Variants in ASPRV1 observed in about 807,000 individuals in gnomAD.
ASPRV1 encodes aspartic peptidase retroviral like 1, also known as retroviral-like aspartic protease 1.
In ASPRV1, 7 loss-of-function variants were observed where a neutral mutation model predicts 11.0. The observed-to-expected ratio is 0.64, with a 90% CI of 0.36 to 1.20. ASPRV1 has a LOEUF of 1.20. Among genes scored for constraint, ASPRV1 ranks in the 50% most tolerant of loss-of-function variants. ASPRV1 has a pLI of 0.02. For missense variants in ASPRV1, 299 were observed against 320.0 expected, an observed-to-expected ratio of 0.93 and a Z score of 0.50; for synonymous variants, 136 against 138.4, an observed-to-expected ratio of 0.98 and a Z score of 0.12.
the ASPRV1 span, among the ~76,000 whole-genome samples, chr2:70,038,266 G>C: frequency 1.3e-5 from 2 of 152,190 alleles, no homozygotes; most frequent in East Asian, 1.9e-4. Flanking sequence ...ATGCATGAAG[G>C]CTGGGCAGAG....
the ASPRV1 span, chr2:69,993,899 C>G: frequency 6.6e-6 from 1 of 152,214 alleles, no homozygotes; most frequent in African/African-American, 2.4e-5. Flanking sequence ...TTTTGCAGAG[C>G]GTTGGGAAAT....
At chr2:70,060,977 C>T in the ASPRV1 span, among the ~76,000 whole-genome samples, 52 of 152,294 alleles carry the variant, frequency 3.4e-4, no homozygotes, top group African/African-American at 1.2e-3. Flanking sequence ...GAGCTTAAAA[C>T]CCACCAGGAG....
At chr2:70,055,376 C>A in the ASPRV1 span, among the ~76,000 whole-genome samples, 1 of 152,080 alleles carries the variant, frequency 6.6e-6, no homozygotes, top group Non-Finnish European at 1.5e-5. Flanking sequence ...AGACATGGAA[C>A]CAACCCAAAT....
chr2:70,039,586 G>A, the ASPRV1 span, among the ~76,000 whole-genome samples: 1 of 152,208 alleles, frequency 6.6e-6, no homozygotes, highest in African/African-American at 2.4e-5. Flanking sequence ...ACAGCCAGCA[G>A]GGGAGGTGCC....
At chr2:70,044,872 C>T in the ASPRV1 span, among the ~76,000 whole-genome samples, 1 of 152,196 alleles carries the variant, frequency 6.6e-6, no homozygotes, top group Non-Finnish European at 1.5e-5. Context: ...GGCCCCATCA[C>T]ACCTGACTTT....
At chr2:70,003,719 C>A in the ASPRV1 span, among the ~76,000 whole-genome samples, 1 of 152,206 alleles carries the variant, frequency 6.6e-6, no homozygotes, top group Admixed American at 6.5e-5. Context: ...GGTTGTGCTG[C>A]GGTTTCAATG....
chr2:69,979,581 A>C, the ASPRV1 span, among the ~76,000 whole-genome samples: 1 of 152,206 alleles, frequency 6.6e-6, no homozygotes, highest in Non-Finnish European at 1.5e-5. Flanking sequence ...CAAACTGGGC[A>C]CAAAGGCCCC....
At chr2:70,072,753 C>A in the ASPRV1 span, among the ~76,000 whole-genome samples, 1 of 150,446 alleles carries the variant, frequency 6.6e-6, no homozygotes, top group African/African-American at 2.4e-5. Flanking sequence ...AAAATAAAAA[C>A]AAAAATAATA....
the ASPRV1 span, chr2:69,937,487 A>G: frequency 1.6e-5 from 20 of 1,241,398 alleles, no homozygotes; most frequent in Admixed American, 2.7e-5. Context: ...GAGTGTAAGA[A>G]GAACTAAGAC....
chr2:69,964,353 G>A, upstream of ASPRV1: 1 of 455,960 alleles, frequency 2.2e-6, no homozygotes, highest in Non-Finnish European at 4.4e-6. Flanking sequence ...GAAACACGCA[G>A]GGGCCTCATG....
chr2:69,961,376 G>T lies in ASPRV1; in HGVS notation c.61C>A (p.Pro21Thr). ...GGGACGACATTGGCCCCATCAAAAG[G>T]TTCCGGGACGAAGGCATGCTGCCGG... ...GRRQHAFVPEPFDGANVVPNL... is the reference protein window; with the variant it reads ...GRRQHAFVPETFDGANVVPNL... The change falls in exon 1 of 1, where the codon CCT (proline) becomes ACT (threonine). Residue 21 changes from proline (P) to threonine (T), a missense_variant. Physicochemically the swap from Pro to Thr is conservative, Grantham distance 38. Coordinates refer to ENST00000320256, the MANE Select transcript of ASPRV1 (RefSeq NM_152792.4). 6.2e-7 allele frequency: 1 copy of T among 1,614,140 alleles called. No individual in the cohort carries two copies. Among genetic ancestry groups the T allele is most frequent in the South Asian group, 1.1e-5 (1 of 91,080 alleles).
chr2:70,034,666 C>T, the ASPRV1 span, among the ~76,000 whole-genome samples: 1 of 151,968 alleles, frequency 6.6e-6, no homozygotes, highest in Admixed American at 6.6e-5. Context: ...GGTATGATAC[C>T]ACTGCCCACA....
chr2:69,944,373 C>T, the ASPRV1 span, among the ~76,000 whole-genome samples: 67 of 152,364 alleles, frequency 4.4e-4, no homozygotes, highest in African/African-American at 1.4e-3. Context: ...GGTCAGCCCA[C>T]ATTTACTGAG....
chr2:70,053,361 G>A, the ASPRV1 span, among the ~76,000 whole-genome samples: 7 of 152,042 alleles, frequency 4.6e-5, no homozygotes, highest in Non-Finnish European at 8.8e-5. Context: ...CTTTAGCCTG[G>A]GGTGGGGGGT....
At chr2:69,985,098 T>C in the ASPRV1 span, among the ~76,000 whole-genome samples, 1 of 152,160 alleles carries the variant, frequency 6.6e-6, no homozygotes, top group African/African-American at 2.4e-5. Context: ...CCTTGTGATC[T>C]GCCCACCTCG....
At chr2:70,001,069 A>G in the ASPRV1 span, among the ~76,000 whole-genome samples, 1 of 152,154 alleles carries the variant, frequency 6.6e-6, no homozygotes, top group Non-Finnish European at 1.5e-5. Context: ...ACAAGAGCCT[A>G]AGTTGATACA....
At chr2:70,040,553 C>T in the ASPRV1 span, among the ~76,000 whole-genome samples, 9 of 152,046 alleles carry the variant, frequency 5.9e-5, no homozygotes, top group African/African-American at 1.4e-4. Flanking sequence ...TAGCAAATAC[C>T]GGCTGGGCAC....
At chr2:70,061,239 T>C in the ASPRV1 span, among the ~76,000 whole-genome samples, 10 of 151,102 alleles carry the variant, frequency 6.6e-5, no homozygotes, top group Admixed American at 5.9e-4. Flanking sequence ...CCATGAAAAA[T>C]ACAAAATTAG....
chr2:70,022,199 T>C, the ASPRV1 span, among the ~76,000 whole-genome samples: 1 of 151,676 alleles, frequency 6.6e-6, no homozygotes, highest in South Asian at 2.1e-4. Flanking sequence ...GTATTTTTAG[T>C]AGAGACGGGG....
Sources: gnomAD v4.1 joint callset for allele counts (sites outside exome capture counted in the v4.1 genomes callset) on GRCh38, gnomAD v4.1.1 for gene constraint, MANE v1.5 for transcripts, NCBI Gene and HGNC (gene_info 2026-07-23, HGNC 2026-07-21) for gene names.